BRF1: variants seen among roughly 807,000 people sequenced by gnomAD.
BRF1 encodes the protein transcription factor IIIB 90 kDa subunit.
Under a neutral mutation model 81.7 loss-of-function variants are expected in BRF1, and 59 were observed. The ratio of observed to expected loss-of-function variants is 0.72; its 90% CI spans 0.59 to 0.90. BRF1 has a LOEUF of 0.90. Ranked by LOEUF, BRF1 falls within the 40% of genes least tolerant of loss-of-function variation. The probability of loss-of-function intolerance (pLI) is 0.00; values close to 1 mark genes in which losing one functional copy is unlikely to be tolerated. For missense variants in BRF1, 1,050 were observed against 936.3 expected, an observed-to-expected ratio of 1.12 and a Z score of -1.58; for synonymous variants, 491 against 395.6, an observed-to-expected ratio of 1.24 and a Z score of -2.86.
chr14:105,252,849 C>T (rs1238576170), intron 4 of BRF1, among the ~76,000 whole-genome samples: 1 of 152,224 alleles, frequency 6.6e-6, no homozygotes, highest in Non-Finnish European at 1.5e-5. Flanking sequence ...AAGGTTCCTC[C>T]CAGGGCGTCA....
intron 3 of BRF1, among the ~76,000 whole-genome samples, chr14:105,259,301 C>T (rs1238662927): frequency 3.3e-5 from 5 of 152,100 alleles, no homozygotes; most frequent in Admixed American, 2.6e-4. Context: ...AAAAATTAGC[C>T]GGGTATGGTG....
intron 3 of BRF1, among the ~76,000 whole-genome samples, chr14:105,263,121 C>CAGCT (rs2056232363): frequency 1.3e-5 from 2 of 151,514 alleles, no homozygotes; most frequent in South Asian, 4.2e-4. Flanking sequence ...CCTATAATCC[C>CAGCT]AGCTACTCGG....
chr14:105,255,668 C>T (rs587741298), intron 4 of BRF1, among the ~76,000 whole-genome samples: 1 of 152,244 alleles, frequency 6.6e-6, no homozygotes, highest in African/African-American at 2.4e-5. Flanking sequence ...TCGGTGCCCC[C>T]ACCCTGTATC....
intron 3 of BRF1, among the ~76,000 whole-genome samples, chr14:105,268,694 C>G (rs1013903302): frequency 3.3e-5 from 5 of 152,208 alleles, no homozygotes; most frequent in Admixed American, 3.3e-4. Context: ...ATAGGAGGAT[C>G]CTGGGGGGCC....
intron 7 of BRF1, 66 bp downstream of exon 7, chr14:105,228,754 A>G: frequency 1.9e-6 from 3 of 1,571,956 alleles, no homozygotes; most frequent in Non-Finnish European, 2.6e-6. Context: ...TGCTCTGGCA[A>G]GCAGGCCTGA....
chr14:105,209,954 C>T lies in BRF1; in HGVS notation c.*597G>A, dbSNP rs1403420066. On this transcript the variant is annotated 3_prime_UTR_variant, in exon 18 of 18. Transcript: ENST00000547530. ...CAGGGGTGGGGGTGTCTGCCTCGGA[C>T]GAGGCAGGTATCTGGATGCAGGGCC... 1.5e-5 allele frequency: 5 copies of T among 324,564 alleles called. No homozygotes were observed. Among genetic ancestry groups the T allele is most frequent in the African/African-American group, 2.1e-5 (1 of 46,658 alleles). 20.1% of individuals were successfully genotyped at this position (324,564 alleles called of 1,614,324 possible).
chr14:105,256,049 C>T lies in BRF1; in HGVS notation c.471+469G>A. 5.7e-6 allele frequency: 4 copies of T among 703,510 alleles called. No individual in the cohort carries two copies. The South Asian group carries it at 7.5e-5, about 13-fold the overall frequency. 43.6% of individuals were successfully genotyped at this position (703,510 alleles called of 1,614,324 possible). ...CTGAGGTGGGAGGATTGCTTGAGCC[C>T]AGGAGGCAGAGGTTGCAGTAAGCTG... On this transcript the variant is annotated intron_variant, in intron 4 of 17. Coordinates refer to ENST00000547530, the MANE Select transcript of BRF1 (RefSeq NM_001519.4).
rs1174318052 is a variant in BRF1, at chr14:105,210,678, A to G, written c.1997-90T>C. 3 of 1,432,540 alleles carry G rather than the reference A, an allele frequency of 2.1e-6. No homozygotes were observed. Among genetic ancestry groups the G allele is most frequent in the Non-Finnish European group, 2.9e-6 (3 of 1,050,222 alleles). The allele number at this position is 1,432,540 out of a possible 1,614,324, so 88.7% of individuals were successfully genotyped here. ...CCCGCCCTGTTCCTGGTGCCCCCCTAGAAGACTCAGGCTCCAGCCCCAGCC... is the reference window on the plus strand; with the variant it reads ...CCCGCCCTGTTCCTGGTGCCCCCCTGGAAGACTCAGGCTCCAGCCCCAGCC... On this transcript the variant is annotated intron_variant, in intron 17 of 17. Coordinates refer to ENST00000547530, the MANE Select transcript of BRF1 (RefSeq NM_001519.4). The surrounding 1 kb of genome is among the most constrained non-coding windows in gnomAD (Gnocchi z 4.7).
chr14:105,219,335 G>A, intron 12 of BRF1, 103 bp from the exon 13 acceptor site: 1 of 1,557,174 alleles, frequency 6.4e-7, no homozygotes, highest in Non-Finnish European at 8.7e-7. Context: ...TTAGAGGAAG[G>A]GGAACCCGGG....
At chr14:105,297,823 C>T (rs587708234) in intron 1 of BRF1, among the ~76,000 whole-genome samples, 1 of 152,020 alleles carries the variant, frequency 6.6e-6, no homozygotes, top group East Asian at 1.9e-4. Context: ...GGTGAAACCC[C>T]GTCTCTACTA....
At chr14:105,273,858 G>A (rs186760403) in intron 2 of BRF1, among the ~76,000 whole-genome samples, 9 of 152,348 alleles carry the variant, frequency 5.9e-5, no homozygotes, top group Admixed American at 5.2e-4. Context: ...GGCCTCGTGG[G>A]ATGAGAAAGA....
At chr14:105,253,289 C>T (rs1439084185) in intron 4 of BRF1, among the ~76,000 whole-genome samples, 1 of 152,222 alleles carries the variant, frequency 6.6e-6, no homozygotes, top group African/African-American at 2.4e-5. Flanking sequence ...CACTTCAGAG[C>T]AATGTCTGCT....
intron 5 of BRF1, among the ~76,000 whole-genome samples, chr14:105,245,411 A>T (rs1236957488): frequency 6.6e-6 from 1 of 152,212 alleles, no homozygotes; most frequent in Non-Finnish European, 1.5e-5. Flanking sequence ...ATGAACTAAA[A>T]TAACAGAAAA....
intron 2 of BRF1, among the ~76,000 whole-genome samples, chr14:105,283,940 C>G (rs1301473151): frequency 6.6e-6 from 1 of 152,206 alleles, no homozygotes; most frequent in Non-Finnish European, 1.5e-5. Flanking sequence ...CAGCCCCCAC[C>G]TGGAGGAACT....
intron 5 of BRF1, chr14:105,249,126 A>ACGCCCC (rs917166787): frequency 6.6e-7 from 1 of 1,519,620 alleles, no homozygotes; most frequent in Non-Finnish European, 8.8e-7. Flanking sequence ...GCGCGCGCCC[A>ACGCCCC]CGCCCCCAGC....
At chr14:105,229,406 C>T (rs58872812) in intron 6 of BRF1, among the ~76,000 whole-genome samples, 3,769 of 152,294 alleles carry the variant, frequency 0.025, 155 homozygotes, top group African/African-American at 0.085. Flanking sequence ...AATCCTGCAG[C>T]GCAGGGATGC....
At chr14:105,224,611 C>T (rs1334755267) in intron 10 of BRF1, among the ~76,000 whole-genome samples, 1 of 152,190 alleles carries the variant, frequency 6.6e-6, no homozygotes, top group African/African-American at 2.4e-5. Flanking sequence ...TACAGTGGTG[C>T]AATCATAGCT....
intron 1 of BRF1, among the ~76,000 whole-genome samples, chr14:105,313,188 G>A (rs1399662429): frequency 2.0e-5 from 3 of 152,190 alleles, no homozygotes; most frequent in African/African-American, 4.8e-5. Context: ...GTGTCAGGCG[G>A]CCCATCCGTC....
Position 105,315,467 on chromosome 14 carries a change from A to C in BRF1, c.-307T>G, listed in dbSNP as rs1245654103. On this transcript the variant is annotated 5_prime_UTR_variant, in exon 1 of 18. Coordinates refer to the BRF1 transcript ENST00000327359. The surrounding 1 kb of genome is among the most constrained non-coding windows in gnomAD (Gnocchi z 4.4). ...TCGGCCTGGGAGCGACCCCCGGCGC[A>C]CGGGGCGCGCAGGACTCGGTTGTAT... 6.6e-6 allele frequency: 1 copy of C among 152,182 alleles called. No homozygotes were observed. Among genetic ancestry groups the C allele is most frequent in the African/African-American group, 2.4e-5 (1 of 41,440 alleles). 9.4% of individuals were successfully genotyped at this position (152,182 alleles called of 1,614,324 possible).
Sources: gnomAD v4.1 joint callset for allele counts (sites outside exome capture counted in the v4.1 genomes callset) on GRCh38, gnomAD v4.1.1 for gene constraint, Gnocchi (gnomAD v3.1) non-coding constraint, MANE v1.5 for transcripts, NCBI Gene and HGNC (gene_info 2026-07-23, HGNC 2026-07-21) for gene names.